Variants in C1orf21 observed in about 807,000 individuals in gnomAD.
C1orf21 encodes the protein chromosome 1 open reading frame 21.
C1orf21 carries 3 observed loss-of-function variants against 18.7 expected under a neutral mutation model. The observed-to-expected ratio is 0.16, with a 90% CI of 0.07 to 0.42. The LOEUF (loss-of-function observed/expected upper bound fraction) is 0.42, where lower values mean the gene tolerates loss of function less well. C1orf21 is among the 10% of genes least tolerant of loss of function. The pLI is 0.99. For synonymous variants in C1orf21, 41 were observed against 46.4 expected (o/e 0.88, Z 0.47); for missense variants, 104 against 143.6 (o/e 0.72, Z 1.41).
At chr1:184,529,099 C>A (rs1052489648) in intron 3 of C1orf21, among the ~76,000 whole-genome samples, 9 of 151,874 alleles carry the variant, frequency 5.9e-5, no homozygotes, top group African/African-American at 1.9e-4. Context: ...TAATTCTTGC[C>A]GATTTACTTA....
chr1:184,607,630 CATACATATATATGTGTGTGTATAT>C lies in C1orf21; in HGVS notation c.327+9188_327+9211del, dbSNP rs1384807238. ...ATATATATACACATGTGTATATACA[CATACATATATATGTGTGTGTATAT>C]ATACATATATATGTGTGTATATATA... On this transcript the variant is annotated intron_variant, in intron 5 of 5. Coordinates refer to ENST00000235307, the MANE Select transcript of C1orf21 (RefSeq NM_030806.4). 4.0e-5 allele frequency among the ~76,000 whole-genome samples: 6 copies of C among 150,420 alleles called. 1 individual carries two copies. Among genetic ancestry groups the C allele is most frequent in the African/African-American group, 1.5e-4 (6 of 40,854 alleles).
chr1:184,587,886 A>G (rs535956277), intron 3 of C1orf21, among the ~76,000 whole-genome samples: 1 of 152,194 alleles, frequency 6.6e-6, no homozygotes, highest in South Asian at 2.1e-4. Context: ...AAGTGCTAGG[A>G]TTGCAAGCAT....
chr1:184,541,663 A>G (rs1033422659), intron 3 of C1orf21, among the ~76,000 whole-genome samples: 1 of 152,246 alleles, frequency 6.6e-6, no homozygotes, highest in African/African-American at 2.4e-5. Context: ...TTAATTGTTT[A>G]CAGTGCTCTC....
chr1:184,392,487 C>T (rs1233817234), intron 1 of C1orf21, among the ~76,000 whole-genome samples: 1 of 152,144 alleles, frequency 6.6e-6, no homozygotes, highest in Non-Finnish European at 1.5e-5. Context: ...ACGTATTGGG[C>T]ACAATGTACA....
chr1:184,504,186 G>A (rs1391550503), intron 2 of C1orf21, among the ~76,000 whole-genome samples: 2 of 152,152 alleles, frequency 1.3e-5, no homozygotes, highest in Admixed American at 6.5e-5. Context: ...CAGAGAACAG[G>A]AGTCAGCCTA....
intron 2 of C1orf21, among the ~76,000 whole-genome samples, chr1:184,504,245 A>G (rs1658019129): frequency 6.6e-6 from 1 of 152,184 alleles, no homozygotes; most frequent in South Asian, 2.1e-4. Flanking sequence ...ATCAACAGGA[A>G]GAAAAGAAAA....
chr1:184,501,998 A>T (rs1657982849), intron 2 of C1orf21, among the ~76,000 whole-genome samples: 1 of 152,244 alleles, frequency 6.6e-6, no homozygotes. Context: ...ATTTTAAAAC[A>T]TTAAACAAAA....
chr1:184,571,610 G>A (rs1166479892), intron 3 of C1orf21, among the ~76,000 whole-genome samples: 2 of 152,126 alleles, frequency 1.3e-5, no homozygotes, highest in Non-Finnish European at 2.9e-5. Flanking sequence ...GCTTTGACTT[G>A]CTTTGGGCTG....
At chr1:184,490,442 G>A (rs1657800940) in intron 2 of C1orf21, among the ~76,000 whole-genome samples, 1 of 152,246 alleles carries the variant, frequency 6.6e-6, no homozygotes, top group South Asian at 2.1e-4. Context: ...AACTAAGTGA[G>A]ACAGAGCAGG....
intron 1 of C1orf21, among the ~76,000 whole-genome samples, chr1:184,410,627 AT>A (rs1227462263): frequency 0.16 from 525 of 3,198 alleles, 170 homozygotes; most frequent in African/African-American, 0.58. Flanking sequence ...TTATATATAT[AT>A]ATATATATAT....
At chr1:184,496,448 C>T (rs1436273445) in intron 2 of C1orf21, among the ~76,000 whole-genome samples, 1 of 152,184 alleles carries the variant, frequency 6.6e-6, no homozygotes, top group African/African-American at 2.4e-5. Flanking sequence ...CCCCGGATTT[C>T]GGGCACACCT....
At chr1:184,399,245 A>G (rs953507057) in intron 1 of C1orf21, among the ~76,000 whole-genome samples, 2 of 150,384 alleles carry the variant, frequency 1.3e-5, no homozygotes, top group African/African-American at 2.4e-5. Flanking sequence ...GTTTTTTATT[A>G]TATTTCTCTG....
At chr1:184,530,600 C>CTTTTTTTTTTTTTT (rs1184327589) in intron 3 of C1orf21, among the ~76,000 whole-genome samples, 77 of 111,366 alleles carry the variant, frequency 6.9e-4, no homozygotes, top group Middle Eastern at 4.7e-3. Context: ...TTTCTTTTTT[C>CTTTTTTTTTTTTTT]TTTTTTTTTT....
intron 3 of C1orf21, among the ~76,000 whole-genome samples, chr1:184,559,562 T>G (rs1236960643): frequency 1.2e-5 from 1 of 82,768 alleles, no homozygotes. Context: ...TTCCTCTCTC[T>G]TTCTTCCCCT....
intron 2 of C1orf21, among the ~76,000 whole-genome samples, chr1:184,498,918 G>A (rs1481633189): frequency 3.3e-5 from 5 of 152,208 alleles, no homozygotes; most frequent in African/African-American, 4.8e-5. Context: ...CCACCACTCT[G>A]TAGATGTACA....
chr1:184,483,225 G>A (rs989572918), intron 2 of C1orf21, among the ~76,000 whole-genome samples: 1 of 152,172 alleles, frequency 6.6e-6, no homozygotes, highest in Non-Finnish European at 1.5e-5. Flanking sequence ...GTCATTCAGA[G>A]GACAGCTGAG....
intron 1 of C1orf21, among the ~76,000 whole-genome samples, chr1:184,431,601 A>T (rs2101970998): frequency 6.6e-6 from 1 of 152,332 alleles, no homozygotes; most frequent in African/African-American, 2.4e-5. Flanking sequence ...ATAGCAACAA[A>T]AGCCAAAATT....
Position 184,505,712 on chromosome 1 carries a change from G to A in C1orf21, c.95-1876G>A, listed in dbSNP as rs1232932226. Among the ~76,000 whole-genome samples the A allele has an allele frequency of 2.7e-5, 4 of 150,806 alleles. No individual in the cohort carries two copies. In the East Asian group the frequency reaches 5.8e-4, roughly 22 times the overall value. ...CGGGAGGCGGAGGTTGCAGTGAGCC[G>A]AGATCACACCATCACACTCCAGCCT... On this transcript the variant is annotated intron_variant, in intron 2 of 5. Transcript: ENST00000235307.
intron 3 of C1orf21, among the ~76,000 whole-genome samples, chr1:184,555,292 C>G (rs1296387392): frequency 6.6e-6 from 1 of 152,188 alleles, no homozygotes; most frequent in Non-Finnish European, 1.5e-5. Flanking sequence ...CCTGGGAAAT[C>G]TCAGGGACTG....
Sources: gnomAD v4.1 joint callset for allele counts (sites outside exome capture counted in the v4.1 genomes callset) on GRCh38, gnomAD v4.1.1 for gene constraint, MANE v1.5 for transcripts, NCBI Gene and HGNC (gene_info 2026-07-23, HGNC 2026-07-21) for gene names.